The following MAPK8 variants were observed in gnomAD, a reference collection of about 807,000 sequenced individuals.
MAPK8 encodes the protein JUN N-terminal kinase.
In MAPK8, 13 loss-of-function variants were observed where a neutral mutation model predicts 52.9. The observed-to-expected ratio is 0.25, with a 90% confidence interval of 0.16 to 0.39. The LOEUF (loss-of-function observed/expected upper bound fraction) is 0.39, where lower values mean the gene tolerates loss of function less well. Ranked by LOEUF, MAPK8 falls within the 10% of genes least tolerant of loss-of-function variation. The pLI is 1.00. For missense variants in MAPK8, 300 were observed against 519.2 expected, an observed-to-expected ratio of 0.58 and a Z score of 4.10; for synonymous variants, 191 against 169.8, an observed-to-expected ratio of 1.12 and a Z score of -0.97.
chr10:48,325,792 C>G (rs1229128489), intron 1 of MAPK8: 1 of 152,168 alleles, frequency 6.6e-6, no homozygotes, highest in Non-Finnish European at 1.5e-5. Flanking sequence ...CTTAGGATTT[C>G]TTAGCTGTGA....
At chr10:48,358,717 C>G (rs1416531441) in intron 1 of MAPK8, among the ~76,000 whole-genome samples, 1 of 152,158 alleles carries the variant, frequency 6.6e-6, no homozygotes, top group Non-Finnish European at 1.5e-5. Context: ...ACCCTCCTAT[C>G]TTTTCTTCTA....
At chr10:48,424,219 A>G in intron 7 of MAPK8, 60 bp downstream of exon 7, 1 of 1,385,426 alleles carries the variant, frequency 7.2e-7, no homozygotes, top group Non-Finnish European at 1.0e-6. Context: ...TATGTTCTCT[A>G]ATGAAAATGA....
intron 1 of MAPK8, among the ~76,000 whole-genome samples, chr10:48,353,071 A>G (rs61838672): frequency 0.044 from 6,657 of 152,312 alleles, 166 homozygotes; most frequent in African/African-American, 0.066. Context: ...GATGAAAACT[A>G]TTAAATGTTG....
chr10:48,391,025 A>C (rs966076255), intron 1 of MAPK8, among the ~76,000 whole-genome samples: 1 of 152,218 alleles, frequency 6.6e-6, no homozygotes, highest in African/African-American at 2.4e-5. Flanking sequence ...TGAAGATCAC[A>C]TTTAAGCTAG....
intron 1 of MAPK8, among the ~76,000 whole-genome samples, chr10:48,310,766 C>T (rs983163866): frequency 4.0e-5 from 6 of 150,514 alleles, no homozygotes; most frequent in African/African-American, 7.4e-5. Flanking sequence ...TGTGTGTATA[C>T]GTATGTGCAT....
At position 48,437,339 on chromosome 10, in the gene MAPK8, T is replaced by A. The variant is rs1165098514; in HGVS notation, c.*2310T>A. Reference sequence around the variant, plus strand: ...TGGTTCTTTTTATTTTGGAATCCTTTAAGCATCTTAAACATTTTTTTTTTG... The same window carrying A: ...TGGTTCTTTTTATTTTGGAATCCTTAAAGCATCTTAAACATTTTTTTTTTG... On this transcript the variant is annotated 3_prime_UTR_variant, in exon 12 of 12. Coordinates refer to ENST00000374189, the MANE Select transcript of MAPK8 (RefSeq NM_001323329.2). The A allele has an allele frequency of 2.0e-5, 3 of 152,198 alleles. No homozygotes were observed. Among genetic ancestry groups the A allele is most frequent in the African/African-American group, 4.8e-5 (2 of 41,448 alleles). 9.4% of individuals were successfully genotyped at this position (152,198 alleles called of 1,614,324 possible).
chr10:48,423,444 C>G (rs2133215743), intron 6 of MAPK8, among the ~76,000 whole-genome samples: 1 of 152,268 alleles, frequency 6.6e-6, no homozygotes, highest in East Asian at 1.9e-4. Context: ...TCTCTGTGCA[C>G]TTGTTCCTTT....
intron 2 of MAPK8, among the ~76,000 whole-genome samples, chr10:48,402,322 C>T (rs773936997): frequency 1.3e-5 from 2 of 152,224 alleles, no homozygotes; most frequent in African/African-American, 4.8e-5. Flanking sequence ...ACATGTATTC[C>T]CATAGATAAT....
At chr10:48,321,047 T>C (rs1842944068) in intron 1 of MAPK8, among the ~76,000 whole-genome samples, 1 of 152,054 alleles carries the variant, frequency 6.6e-6, no homozygotes, top group Non-Finnish European at 1.5e-5. Flanking sequence ...TCTTTGCCTA[T>C]TTTAAAAATT....
chr10:48,365,686 T>A (rs1271989541), intron 1 of MAPK8, among the ~76,000 whole-genome samples: 2 of 152,174 alleles, frequency 1.3e-5, no homozygotes, highest in East Asian at 3.8e-4. Context: ...TAAAGAATCT[T>A]TGACAAAAGT....
At chr10:48,424,210 A>G in intron 7 of MAPK8, 51 bp downstream of exon 7, 1 of 1,446,486 alleles carries the variant, frequency 6.9e-7, no homozygotes, top group Non-Finnish European at 9.7e-7. Flanking sequence ...GAACTTCTTT[A>G]TGTTCTCTAA....
chr10:48,404,801 A>C lies in MAPK8; in HGVS notation c.123-51A>C, dbSNP rs3730156. Reference sequence around the variant, plus strand: ...TATGACTGTTTCATGAATTCAGTTTACAGATTTTTGCTTGAAGTTTTTTTG... The same window carrying C: ...TATGACTGTTTCATGAATTCAGTTTCCAGATTTTTGCTTGAAGTTTTTTTG... On this transcript the variant is annotated intron_variant, in intron 2 of 11. Transcript: ENST00000374189. The C allele has an allele frequency of 0.059, 86,253 of 1,465,298 alleles. 4,635 individuals are homozygous for C. The highest frequency in any genetic ancestry group is 0.25 in the Admixed American group (12,776 of 51,114). 90.8% of individuals were successfully genotyped at this position (1,465,298 alleles called of 1,614,324 possible).
Position 48,371,556 on chromosome 10 carries a change from A to G in MAPK8, c.-49-30056A>G, listed in dbSNP as rs537477367. On this transcript the variant is annotated intron_variant, in intron 1 of 11. Transcript: ENST00000374189. ...GAGGATATGGGGGTTGGTGGGGAGT[A>G]GTATCTCCTACTATAATCATACAAG... 1.4e-3 allele frequency among the ~76,000 whole-genome samples: 216 copies of G among 152,204 alleles called. 1 individual carries two copies. The highest frequency in any genetic ancestry group is 5.0e-3 in the African/African-American group (206 of 41,562).
At chr10:48,355,700 C>A (rs971721600) in intron 1 of MAPK8, among the ~76,000 whole-genome samples, 1 of 151,954 alleles carries the variant, frequency 6.6e-6, no homozygotes, top group African/African-American at 2.4e-5. Context: ...GAATGGTAAA[C>A]AACAGTTAAA....
intron 5 of MAPK8, among the ~76,000 whole-genome samples, chr10:48,411,442 T>TGGAC (rs1045118297): frequency 6.6e-6 from 1 of 152,260 alleles, no homozygotes; most frequent in African/African-American, 2.4e-5. Context: ...GTTTCATTTT[T>TGGAC]GGACTCTCAG....
At chr10:48,425,724 C>A (rs1371526802) in intron 7 of MAPK8, 164 bp from the exon 8 acceptor site, 16 of 463,596 alleles carry the variant, frequency 3.5e-5, no homozygotes, top group East Asian at 2.8e-4. Flanking sequence ...TCATTTCTGT[C>A]CACCTACAAT....
intron 2 of MAPK8, 34 bp from the exon 3 acceptor site, chr10:48,404,814 TGAAG>T: frequency 6.4e-7 from 1 of 1,554,404 alleles, no homozygotes; most frequent in Admixed American, 1.9e-5. Context: ...GATTTTTGCT[TGAAG>T]TTTTTTTGTG....
chr10:48,323,695 T>C (rs185998301), intron 1 of MAPK8, among the ~76,000 whole-genome samples: 20 of 152,308 alleles, frequency 1.3e-4, no homozygotes, highest in African/African-American at 4.6e-4. Context: ...TCTTAATCAT[T>C]ATAATTGAGG....
intron 6 of MAPK8, among the ~76,000 whole-genome samples, chr10:48,423,066 T>G (rs1564615961): frequency 1.3e-5 from 2 of 152,228 alleles, no homozygotes; most frequent in Non-Finnish European, 2.9e-5. Flanking sequence ...TTGCTCATTC[T>G]TCCCTCTTTT....
Sources: gnomAD v4.1 joint callset for allele counts (sites outside exome capture counted in the v4.1 genomes callset) on GRCh38, gnomAD v4.1.1 for gene constraint, MANE v1.5 for transcripts, NCBI Gene and HGNC (gene_info 2026-07-23, HGNC 2026-07-21) for gene names.